SHANK2: variants seen among roughly 807,000 people sequenced by gnomAD.
SHANK2 encodes the protein SH3 and multiple ankyrin repeat domains 2, also known as SH3 and multiple ankyrin repeat domains protein 2.
Under a neutral mutation model 133.7 loss-of-function variants are expected in SHANK2, and 43 were observed. The observed-to-expected ratio is 0.32, with a 90% confidence interval of 0.25 to 0.41. The LOEUF is 0.41. SHANK2 is among the 10% of genes least tolerant of loss of function. The probability of loss-of-function intolerance (pLI) is 1.00; values close to 1 mark genes in which losing one functional copy is unlikely to be tolerated. For synonymous variants in SHANK2, 1,017 were observed against 952.8 expected (o/e 1.07, Z -1.24); for missense variants, 1,994 against 2,235.8 (o/e 0.89, Z 2.18).
At chr11:71,211,889 T>C (rs1363888870) in intron 2 of SHANK2, among the ~76,000 whole-genome samples, 5 of 152,200 alleles carry the variant, frequency 3.3e-5, no homozygotes, top group Non-Finnish European at 7.3e-5. Context: ...GTTCTTTAAG[T>C]TGCATGCCTG....
At chr11:70,732,889 G>A (rs533132253) in intron 14 of SHANK2, among the ~76,000 whole-genome samples, 16 of 152,360 alleles carry the variant, frequency 1.1e-4, no homozygotes, top group African/African-American at 3.6e-4. Context: ...GGGACTCTCT[G>A]TTTTGCTTCC....
At chr11:70,529,051 G>A (rs1395195916) in intron 17 of SHANK2, among the ~76,000 whole-genome samples, 4 of 152,116 alleles carry the variant, frequency 2.6e-5, no homozygotes, top group East Asian at 1.9e-4. Context: ...GGCTTGGGGC[G>A]GAACTCAGTG....
chr11:70,497,388 A>T (rs927137597), intron 21 of SHANK2, among the ~76,000 whole-genome samples: 1 of 152,238 alleles, frequency 6.6e-6, no homozygotes, highest in Non-Finnish European at 1.5e-5. Context: ...GGGATTAGTG[A>T]ATCTGGCCCC....
chr11:70,732,948 C>T (rs765269231), intron 14 of SHANK2, among the ~76,000 whole-genome samples: 88 of 152,352 alleles, frequency 5.8e-4, no homozygotes, highest in Non-Finnish European at 8.2e-4. Flanking sequence ...ACAGCCCGCG[C>T]GAATAGTGCT....
chr11:70,952,832 A>G (rs1171534332), intron 10 of SHANK2: 2 of 395,338 alleles, frequency 5.1e-6, no homozygotes, highest in Non-Finnish European at 1.1e-5. Flanking sequence ...CTGTGGGAAC[A>G]AATGATCACA....
intron 11 of SHANK2, among the ~76,000 whole-genome samples, chr11:70,845,675 G>A (rs1471371929): frequency 6.6e-6 from 1 of 152,150 alleles, no homozygotes; most frequent in Non-Finnish European, 1.5e-5. Flanking sequence ...TTGATTGATG[G>A]AAAGACGAGC....
intron 14 of SHANK2, among the ~76,000 whole-genome samples, chr11:70,732,043 AC>A (rs1946301068): frequency 6.6e-6 from 1 of 151,674 alleles, no homozygotes; most frequent in Non-Finnish European, 1.5e-5. Flanking sequence ...GGCCACACAC[AC>A]CCCCAGGGTG....
chr11:70,485,213 C>T lies in SHANK2; in HGVS notation c.4979+101G>A. The stretch of plus-strand genomic sequence containing the variant: ...GTGGCCCACACAGGCTTTACGAATT[C>T]CCCTCTTCGTGTCCGCTGGGGCTGC... On this transcript the variant is annotated intron_variant, in intron 25 of 25. Coordinates refer to ENST00000601538, the MANE Select transcript of SHANK2 (RefSeq NM_012309.5). This position sits in a 1 kb window ranked among gnomAD's most constrained non-coding sequence, Gnocchi z 5.8. 1 of 993,784 alleles carries T rather than the reference C, an allele frequency of 1.0e-6. No homozygotes were observed. Among genetic ancestry groups the T allele is most frequent in the Non-Finnish European group, 1.6e-6 (1 of 632,796 alleles). The allele number at this position is 993,784 out of a possible 1,614,324, so 61.6% of individuals were successfully genotyped here.
chr11:71,125,758 AAAG>A (rs1952170256), intron 3 of SHANK2, among the ~76,000 whole-genome samples: 1 of 152,244 alleles, frequency 6.6e-6, no homozygotes, highest in South Asian at 2.1e-4. Context: ...TCTTCTATTG[AAAG>A]AAGATGGCAT....
chr11:70,542,338 C>T (rs115312393), intron 17 of SHANK2, among the ~76,000 whole-genome samples: 2,194 of 152,204 alleles, frequency 0.014, 56 homozygotes, highest in African/African-American at 0.05. Flanking sequence ...GGCTGTGTGA[C>T]GACAGAGACA....
At chr11:71,105,771 C>A (rs553235508) in intron 6 of SHANK2, among the ~76,000 whole-genome samples, 5 of 152,144 alleles carry the variant, frequency 3.3e-5, no homozygotes, top group Non-Finnish European at 7.4e-5. Flanking sequence ...CATGTAAGCT[C>A]CGGACTGGAG....
intron 17 of SHANK2, among the ~76,000 whole-genome samples, chr11:70,589,506 A>G (rs1290339379): frequency 2.0e-5 from 3 of 152,244 alleles, no homozygotes; most frequent in African/African-American, 7.2e-5. Flanking sequence ...CTGGAGATGT[A>G]AAAGGAAATT....
chr11:70,749,563 T>C (rs942749269), intron 14 of SHANK2, among the ~76,000 whole-genome samples: 6 of 152,152 alleles, frequency 3.9e-5, no homozygotes, highest in Admixed American at 2.0e-4. Flanking sequence ...AGACAAGAGA[T>C]AGCAGGCTTG....
At chr11:70,633,211 G>A (rs1334765357) in intron 17 of SHANK2, among the ~76,000 whole-genome samples, 3 of 142,178 alleles carry the variant, frequency 2.1e-5, no homozygotes, top group Non-Finnish European at 4.7e-5. Context: ...TTTTATATAT[G>A]TATTACATAA....
chr11:71,086,492 T>G (rs939578044), intron 8 of SHANK2, among the ~76,000 whole-genome samples: 47 of 139,704 alleles, frequency 3.4e-4, no homozygotes, highest in African/African-American at 1.2e-3. Context: ...TATATAATTA[T>G]GTAATACATA....
At chr11:70,809,084 C>T (rs1948226481) in intron 12 of SHANK2, among the ~76,000 whole-genome samples, 1 of 152,214 alleles carries the variant, frequency 6.6e-6, no homozygotes, top group African/African-American at 2.4e-5. Context: ...TGCACCTACA[C>T]AGTGCCAGGA....
chr11:70,744,538 C>T (rs1946599047), intron 14 of SHANK2, among the ~76,000 whole-genome samples: 1 of 152,182 alleles, frequency 6.6e-6, no homozygotes, highest in Non-Finnish European at 1.5e-5. Context: ...CAGCTTCCTC[C>T]CTCCTCCTTG....
At chr11:70,526,358 G>C (rs545986637) in intron 17 of SHANK2, among the ~76,000 whole-genome samples, 1 of 152,316 alleles carries the variant, frequency 6.6e-6, no homozygotes, top group African/African-American at 2.4e-5. Context: ...CCTGACAAGA[G>C]ACCACTGGCC....
intron 4 of SHANK2, among the ~76,000 whole-genome samples, chr11:71,114,595 C>T (rs990148449): frequency 6.6e-6 from 1 of 152,144 alleles, no homozygotes; most frequent in African/African-American, 2.4e-5. Context: ...GCAGGCTGCA[C>T]AGAGTTTGGG....
Sources: allele counts gnomAD v4.1 joint callset (sites outside exome capture counted in the v4.1 genomes callset), GRCh38; gene constraint gnomAD v4.1.1; non-coding constraint Gnocchi (gnomAD v3.1); transcripts MANE v1.5; gene names NCBI Gene and HGNC (gene_info 2026-07-23, HGNC 2026-07-21).